The following NLRC5 variants were observed in gnomAD, a reference collection of about 807,000 sequenced individuals.
NLRC5 encodes the protein NLR family CARD domain containing 5.
In NLRC5, 114 loss-of-function variants were observed where a neutral mutation model predicts 206.9. The ratio of observed to expected loss-of-function variants is 0.55; its 90% confidence interval spans 0.47 to 0.64. The LOEUF (loss-of-function observed/expected upper bound fraction) is 0.64, where lower values mean the gene tolerates loss of function less well. Among genes scored for constraint, NLRC5 ranks in the 30% least tolerant of loss-of-function variants. NLRC5 has a pLI of 0.00. For synonymous variants in NLRC5, 952 were observed against 962.8 expected (o/e 0.99, Z 0.21); for missense variants, 2,008 against 2,305.5 (o/e 0.87, Z 2.64).
intron 36 of NLRC5, 70 bp downstream of exon 36, chr16:57,067,898 C>T (rs2067236527): frequency 8.3e-7 from 1 of 1,209,760 alleles, no homozygotes; most frequent in African/African-American, 1.5e-5. Context: ...CCGTTATTCC[C>T]AGCCCTGGGC....
chr16:57,080,083 C>T (rs1413977371), intron 46 of NLRC5, among the ~76,000 whole-genome samples: 1 of 152,170 alleles, frequency 6.6e-6, no homozygotes, highest in African/African-American at 2.4e-5. Flanking sequence ...ATCAGAATCC[C>T]CCAGACCTTG....
At chr16:57,003,252 G>A (rs2058509215) in intron 1 of NLRC5, among the ~76,000 whole-genome samples, 1 of 151,938 alleles carries the variant, frequency 6.6e-6, no homozygotes, top group Non-Finnish European at 1.5e-5. Flanking sequence ...GTTTCCTCAT[G>A]TTGCCCAGGC....
chr16:57,068,613 G>T (rs2067311785), intron 36 of NLRC5, among the ~76,000 whole-genome samples: 1 of 151,972 alleles, frequency 6.6e-6, no homozygotes. Context: ...CAGCGAATTT[G>T]CTAGAAATAA....
At chr16:57,024,736 G>A (rs746863531) in intron 5 of NLRC5, among the ~76,000 whole-genome samples, 52 of 152,196 alleles carry the variant, frequency 3.4e-4, no homozygotes, top group African/African-American at 8.9e-4. Context: ...GTAGCTGGGC[G>A]CGGTGGCTCA....
At chr16:56,994,528 G>T (rs916056920) in intron 1 of NLRC5, among the ~76,000 whole-genome samples, 8 of 152,210 alleles carry the variant, frequency 5.3e-5, no homozygotes, top group Admixed American at 4.6e-4. Flanking sequence ...AGTAAACAAA[G>T]ATGTGCATGT....
At chr16:57,082,343 A>T in intron 48 of NLRC5, 74 bp from the exon 49 acceptor site, 1 of 1,236,704 alleles carries the variant, frequency 8.1e-7, no homozygotes, top group East Asian at 2.4e-5. Context: ...TTTGGGCCTC[A>T]GCCTCCCAAT....
chr16:56,990,161 G>T (rs1351106364), intron 1 of NLRC5, among the ~76,000 whole-genome samples: 1 of 151,966 alleles, frequency 6.6e-6, no homozygotes, highest in East Asian at 1.9e-4. Context: ...ACCTATCCAC[G>T]TTCAGCTTGG....
intron 1 of NLRC5, chr16:57,004,725 G>A (rs1380113385): frequency 6.6e-6 from 1 of 152,312 alleles, no homozygotes; most frequent in Non-Finnish European, 1.5e-5. Flanking sequence ...AGAGAACAAG[G>A]TTTGATCTCT....
intron 27 of NLRC5, among the ~76,000 whole-genome samples, 157 bp from the exon 28 acceptor site, chr16:57,057,908 G>C (rs2065898344): frequency 6.6e-6 from 1 of 151,914 alleles, no homozygotes. Context: ...GGTGGTGATG[G>C]TGGTGATACT....
In NLRC5 at chr16:57,001,817, T is replaced by C. The variant is rs367740755; in HGVS notation, c.-128+12200T>C. Among the ~76,000 whole-genome samples the C allele has an allele frequency of 1.1e-4, 17 of 152,336 alleles. No individual in the cohort carries two copies. The South Asian group carries it at 3.5e-3, about 32-fold the overall frequency. On this transcript the variant is annotated intron_variant, in intron 1 of 48. Transcript: ENST00000688547. ...ATTATTACTGACTATAGTTACCCTC[T>C]TGTGCTATTGAATACTAGGTTTTAT...
chr16:57,058,906 G>C (rs1445249402), intron 28 of NLRC5, 66 bp from the exon 29 acceptor site: 1 of 1,315,284 alleles, frequency 7.6e-7, no homozygotes, highest in South Asian at 1.2e-5. Flanking sequence ...GGAGATGGAG[G>C]GGGCTGGGCA....
intron 20 of NLRC5, among the ~76,000 whole-genome samples, chr16:57,045,060 A>G (rs1160042622): frequency 6.6e-6 from 1 of 151,694 alleles, no homozygotes; most frequent in East Asian, 1.9e-4. Context: ...CAAAAATTAG[A>G]CAGTCATGGT....
chr16:57,054,683 C>G, intron 24 of NLRC5, 68 bp from the exon 25 acceptor site: 1 of 1,133,456 alleles, frequency 8.8e-7, no homozygotes, highest in Non-Finnish European at 1.3e-6. Context: ...CCTCCCTTTC[C>G]TTACCCTCCA....
intron 1 of NLRC5, among the ~76,000 whole-genome samples, chr16:57,016,436 G>T (rs17370142): frequency 0.11 from 17,466 of 152,156 alleles, 1,158 homozygotes; most frequent in African/African-American, 0.14. Flanking sequence ...AGCACACGCT[G>T]ATCTTCCGCC....
At position 57,026,216 on chromosome 16, in the gene NLRC5, C is replaced by T. The variant is rs1310712316; in HGVS notation, c.1273C>T (p.Pro425Ser). Residue 425 changes from proline to serine, a missense_variant, in exon 6 of 49, where the codon CCA becomes TCA. Physicochemically the swap from Pro to Ser is moderately conservative, Grantham distance 74 (BLOSUM62 -1). Coordinates refer to ENST00000688547, the MANE Select transcript of NLRC5 (RefSeq NM_001384950.1). ...CLHHLLPDHA[P>S]GQSVALLPNM... Reference sequence around the variant, plus strand: ...CCACCATCTGCTTCCTGACCACGCCCCAGGCCAGTCTGTGGCCCTCCTGCC... The same window carrying T: ...CCACCATCTGCTTCCTGACCACGCCTCAGGCCAGTCTGTGGCCCTCCTGCC... 6.2e-7 allele frequency: 1 copy of T among 1,613,816 alleles called. No homozygotes were observed. Among genetic ancestry groups the T allele is most frequent in the South Asian group, 1.1e-5 (1 of 91,088 alleles).
chr16:57,010,331 C>T (rs1280729905), intron 1 of NLRC5, among the ~76,000 whole-genome samples: 1 of 152,104 alleles, frequency 6.6e-6, no homozygotes, highest in Non-Finnish European at 1.5e-5. Flanking sequence ...ATGTTAAACT[C>T]AAAAGTAAAA....
chr16:57,006,506 G>A (rs1207328313), intron 1 of NLRC5, among the ~76,000 whole-genome samples: 1 of 135,250 alleles, frequency 7.4e-6, no homozygotes, highest in African/African-American at 2.7e-5. Context: ...TCAACCTCCC[G>A]GGCTCAAGTG....
chr16:57,026,108 G>A lies in NLRC5; in HGVS notation c.1165G>A (p.Ala389Thr). Residue 389 changes from alanine (A) to threonine (T), a missense_variant, in exon 6 of 49, where the codon GCC becomes ACC. By Grantham distance (58) the Ala-to-Thr change is moderately conservative (BLOSUM62 0). Coordinates refer to ENST00000688547, the MANE Select transcript of NLRC5 (RefSeq NM_001384950.1). The part of the protein sequence containing the change: ...FFSAQPSREG[A>T]LVELQTNGRL... ...CAGCGCCCAGCCATCGCGGGAGGGGGCCCTGGTGGAGTTACAGACAAATGG... is the reference window on the plus strand; with the variant it reads ...CAGCGCCCAGCCATCGCGGGAGGGGACCCTGGTGGAGTTACAGACAAATGG... 6.2e-7 allele frequency: 1 copy of A among 1,614,092 alleles called. No homozygotes were observed. The highest frequency in any genetic ancestry group is 8.5e-7 in the Non-Finnish European group (1 of 1,180,048).
At position 57,028,323 on chromosome 16, in the gene NLRC5, T is replaced by G; in HGVS notation, c.2181T>G (p.Thr727=). The G allele has an allele frequency of 6.2e-7, 1 of 1,614,132 alleles. No individual in the cohort carries two copies. Among genetic ancestry groups the G allele is most frequent in the Non-Finnish European group, 8.5e-7 (1 of 1,179,984 alleles). The change falls in exon 8 of 49, where the codon ACT becomes ACG. Residue 727 remains threonine (T), a synonymous_variant. Transcript: ENST00000688547. ...GTAGGTTAGCAGGAAGTAAAATCACTGCCCGAGGCATCAGCCACCTGGTGA... is the reference window on the plus strand; with the variant it reads ...GTAGGTTAGCAGGAAGTAAAATCACGGCCCGAGGCATCAGCCACCTGGTGA... The part of the protein sequence containing the change: ...QMLGLAGSKI[T]ARGISHLVKA...
Sources: allele counts gnomAD v4.1 joint callset (sites outside exome capture counted in the v4.1 genomes callset), GRCh38; gene constraint gnomAD v4.1.1; transcripts MANE v1.5; gene names NCBI Gene and HGNC (gene_info 2026-07-23, HGNC 2026-07-21).